The following ABCC9 variants were observed in gnomAD, a reference collection of about 807,000 sequenced individuals.
The protein encoded by ABCC9 is ATP-binding cassette sub-family C member 9.
In ABCC9, 95 loss-of-function variants were observed where a neutral mutation model predicts 188.3. That is an observed-to-expected ratio of 0.50 (90% confidence interval 0.43 to 0.60). The LOEUF (loss-of-function observed/expected upper bound fraction) is 0.60, where lower values mean the gene tolerates loss of function less well. Among genes scored for constraint, ABCC9 ranks in the 20% least tolerant of loss-of-function variants. The pLI, the probability that ABCC9 is intolerant of heterozygous loss-of-function variation, is 0.00. For synonymous variants in ABCC9, 659 were observed against 652.7 expected, an observed-to-expected ratio of 1.01 and a Z score of -0.15; for missense variants, 1,102 against 1,876.3, an observed-to-expected ratio of 0.59 and a Z score of 7.62.
At position 21,861,096 on chromosome 12, in the gene ABCC9, T is replaced by C. The variant is rs781757986; in HGVS notation, c.2340-41A>G. The C allele has an allele frequency of 7.3e-6, 11 of 1,503,924 alleles. No homozygotes were observed. The African/African-American group carries it at 8.3e-5, about 11-fold the overall frequency. The allele number at this position is 1,503,924 out of a possible 1,614,324, so 93.2% of individuals were successfully genotyped here. A position where few individuals can be genotyped will look rare whatever the true frequency, so the allele number is the denominator to read the frequency against. On this transcript the variant is annotated intron_variant, in intron 20 of 39. Transcript: ENST00000261200. ...TTTTGAATTTTTAGATCTCAATTAA[T>C]ACATTGTCCATAAACTAAGTGCCAA...
chr12:21,915,261 G>GTGTA (rs1555115999), intron 7 of ABCC9, among the ~76,000 whole-genome samples: 1 of 105,336 alleles, frequency 9.5e-6, no homozygotes, highest in Non-Finnish European at 1.9e-5. Flanking sequence ...GTGTGTGTGT[G>GTGTA]TATATAATGT....
chr12:21,904,822 C>G (rs1370994261), intron 12 of ABCC9, among the ~76,000 whole-genome samples: 1 of 152,230 alleles, frequency 6.6e-6, no homozygotes, highest in Non-Finnish European at 1.5e-5. Flanking sequence ...CACTTTTACA[C>G]TGTTCGTGGG....
intron 5 of ABCC9, chr12:21,922,823 T>C (rs1473335304): frequency 2.2e-5 from 3 of 134,990 alleles, no homozygotes; most frequent in Non-Finnish European, 1.5e-5. Context: ...AGAACTAGAA[T>C]AGCCAAAGCA....
In ABCC9 at chr12:21,872,619, A is replaced by G. The variant is rs1057522523; in HGVS notation, c.2198+6T>C. 6 of 1,605,928 alleles carry G rather than the reference A, an allele frequency of 3.7e-6. No individual in the cohort carries two copies. The highest frequency in any genetic ancestry group is 5.1e-6 in the Non-Finnish European group (6 of 1,172,732). ...AGCAATGGAAGCCAACTAAAAATAT[A>G]CATACTTGCTCCAGTGAACTTTTCC... On this transcript the variant is annotated splice_donor_region_variant and intron_variant, in intron 18 of 39. Coordinates refer to ENST00000261200, the MANE Select transcript of ABCC9 (RefSeq NM_020297.4).
intron 5 of ABCC9, 93 bp from the exon 6 acceptor site, chr12:21,917,196 G>A: frequency 1.6e-6 from 2 of 1,237,450 alleles, no homozygotes; most frequent in African/African-American, 3.0e-5. Context: ...AATAACAAAG[G>A]CAATTTTATG....
At chr12:21,836,757 C>T (rs896667929) in intron 30 of ABCC9, among the ~76,000 whole-genome samples, 1 of 151,722 alleles carries the variant, frequency 6.6e-6, no homozygotes, top group Non-Finnish European at 1.5e-5. Context: ...CTAATGATGC[C>T]ACAACAACAA....
chr12:21,909,077 GT>G (rs1948190915), intron 10 of ABCC9, among the ~76,000 whole-genome samples: 1 of 151,900 alleles, frequency 6.6e-6, no homozygotes, highest in African/African-American at 2.4e-5. Context: ...TAATTAGGTA[GT>G]TTGAGATATC....
chr12:21,877,084 C>A (rs1946393974), intron 16 of ABCC9, among the ~76,000 whole-genome samples: 1 of 152,152 alleles, frequency 6.6e-6, no homozygotes, highest in African/African-American at 2.4e-5. Context: ...TATGGCTGAT[C>A]ATCCTCACTC....
chr12:21,885,694 G>A (rs1005072923), intron 15 of ABCC9, among the ~76,000 whole-genome samples: 11 of 152,194 alleles, frequency 7.2e-5, no homozygotes, highest in Middle Eastern at 6.8e-3. Context: ...ATTTTGAGGC[G>A]TTGTTCCTCC....
intron 30 of ABCC9, among the ~76,000 whole-genome samples, chr12:21,834,575 T>A (rs1450123225): frequency 6.6e-6 from 1 of 152,080 alleles, no homozygotes; most frequent in Non-Finnish European, 1.5e-5. Flanking sequence ...GGGCCTTTAA[T>A]GGCCTCTAGG....
At position 21,842,430 on chromosome 12, in the gene ABCC9, C is replaced by T. The variant is rs2287626; in HGVS notation, c.3357G>A (p.Leu1119=). 6.7e-4 allele frequency: 1,082 copies of T among 1,614,126 alleles called. 26 individuals carry two copies. In the East Asian group the frequency reaches 0.024, roughly 36 times the overall value. The change falls in exon 29 of 40, where the codon CTG becomes CTA. Residue 1119 remains leucine (L), a synonymous_variant. Transcript: ENST00000261200. ...PTLESLTRST[L]LCLSAIGMIS... ...TCATCCCAATGGCAGACAGGCAGAG[C>T]AGTGTTGAGCGAGTTAGAGATTCCA...
intron 31 of ABCC9, among the ~76,000 whole-genome samples, chr12:21,826,691 C>T (rs1457726159): frequency 2.6e-5 from 4 of 152,082 alleles, no homozygotes; most frequent in Non-Finnish European, 4.4e-5. Flanking sequence ...CGTGTGTACA[C>T]GTGTTTATCC....
At chr12:21,891,000 A>G (rs531245602) in intron 14 of ABCC9, among the ~76,000 whole-genome samples, 11 of 152,100 alleles carry the variant, frequency 7.2e-5, no homozygotes, top group Non-Finnish European at 4.4e-5. Context: ...AAAAATCTTT[A>G]CTGACCAGAT....
intron 13 of ABCC9, among the ~76,000 whole-genome samples, chr12:21,894,531 A>G (rs1273951389): frequency 6.9e-6 from 1 of 143,982 alleles, no homozygotes; most frequent in East Asian, 2.0e-4. Flanking sequence ...CGGGAGAAAA[A>G]AGAATGTTCT....
At chr12:21,919,037 C>G (rs560284092) in intron 5 of ABCC9, among the ~76,000 whole-genome samples, 31 of 151,898 alleles carry the variant, frequency 2.0e-4, no homozygotes, top group South Asian at 8.3e-4. Flanking sequence ...ATTTAAAATT[C>G]AAGAAGTACA....
rs773377070 is a variant in ABCC9 at position 21,801,057 on chromosome 12, C to T, written c.4637G>A (p.Arg1546His). 1.7e-5 allele frequency: 28 copies of T among 1,613,720 alleles called. No individual in the cohort carries two copies. The highest frequency in any genetic ancestry group is 1.6e-4 in the Middle Eastern group (1 of 6,082). Residue 1546 changes from arginine to histidine, a missense_variant, in exon 40 of 40, where the codon CGC becomes CAC. Around this residue, in one of 12 missense-constraint regions of ABCC9, gnomAD observed 30 missense variants for 34.3 expected, o/e 0.87. Transcript: ENST00000261200. ...TAAGACACTCCTTCACATGTCTGCG[C>T]GAACAAAAGAAGCAAATACTCCATT... The part of the protein sequence containing the change: ...QENGVFASFV[R>H]ADM
intron 8 of ABCC9, among the ~76,000 whole-genome samples, chr12:21,911,758 C>CT (rs1481153710): frequency 6.6e-6 from 1 of 151,900 alleles, no homozygotes; most frequent in Non-Finnish European, 1.5e-5. Context: ...CCTATTCTTT[C>CT]TTAGCAAAAC....
chr12:21,801,978 A>C (rs1354666344), intron 39 of ABCC9, among the ~76,000 whole-genome samples: 2 of 152,142 alleles, frequency 1.3e-5, no homozygotes, highest in Non-Finnish European at 2.9e-5. Context: ...ACTAATTTCA[A>C]AATGTGAGCT....
rs1177206744 is a variant in ABCC9, at chr12:21,799,660, A to G, written c.*1384T>C. ...CATATTTTCCAAGAGTGAATACACCATACAATAAACAGAACACAGAAACTA... is the reference window on the plus strand; with the variant it reads ...CATATTTTCCAAGAGTGAATACACCGTACAATAAACAGAACACAGAAACTA... On this transcript the variant is annotated 3_prime_UTR_variant, in exon 40 of 40. Coordinates refer to ENST00000261200, the MANE Select transcript of ABCC9 (RefSeq NM_020297.4). 6.6e-6 allele frequency: 1 copy of G among 152,240 alleles called. No individual in the cohort carries two copies. Among genetic ancestry groups the G allele is most frequent in the Non-Finnish European group, 1.5e-5 (1 of 68,036 alleles). 9.4% of individuals were successfully genotyped at this position (152,240 alleles called of 1,614,324 possible).
Sources: gnomAD v4.1 joint callset for allele counts (sites outside exome capture counted in the v4.1 genomes callset) on GRCh38, gnomAD v4.1.1 for gene constraint, gnomAD v4.1.1 regional missense constraint, MANE v1.5 for transcripts, NCBI Gene and HGNC (gene_info 2026-07-23, HGNC 2026-07-21) for gene names.